The following WNK2 variants were observed in gnomAD, a reference collection of about 807,000 sequenced individuals.
WNK2 encodes serine/threonine-protein kinase WNK2.
A neutral mutation model predicts 192.1 loss-of-function variants in WNK2; 67 were observed. That is an observed-to-expected ratio of 0.35 (90% confidence interval 0.29 to 0.43). The LOEUF (loss-of-function observed/expected upper bound fraction) is 0.43, where lower values mean the gene tolerates loss of function less well. Ranked by LOEUF, WNK2 falls within the 20% of genes least tolerant of loss-of-function variation. WNK2 has a pLI of 1.00. For synonymous variants in WNK2, 1,439 were observed against 1,393.9 expected, an observed-to-expected ratio of 1.03 and a Z score of -0.72; for missense variants, 2,698 against 3,089.7, an observed-to-expected ratio of 0.87 and a Z score of 3.01.
chr9:93,230,898 C>A lies in WNK2; in HGVS notation c.865C>A (p.Arg289=). The A allele has an allele frequency of 1.7e-5, 27 of 1,612,816 alleles. No individual in the cohort carries two copies. Among genetic ancestry groups the A allele is most frequent in the Non-Finnish European group, 2.3e-5 (27 of 1,179,768 alleles). Residue 289 remains arginine, a synonymous_variant, in exon 4 of 30, where the codon CGG becomes AGG. Transcript: ENST00000427277. ...CGTGAACCCCTGCAGATACCTGAAG[C>A]GGTTCAAGGTGATGAAGCCCAAGGT... ...TSGTLKTYLK[R]FKVMKPKVLR... is the part of the protein sequence containing the mutation.
At chr9:93,317,131 C>T in intron 28 of WNK2, 1 of 310,118 alleles carries the variant, frequency 3.2e-6, no homozygotes, top group South Asian at 3.6e-5. Flanking sequence ...CCTGCCAGCT[C>T]CTGGGTGGTT....
At chr9:93,258,297 C>T (rs1160614668) in intron 11 of WNK2, among the ~76,000 whole-genome samples, 1 of 152,222 alleles carries the variant, frequency 6.6e-6, no homozygotes, top group South Asian at 2.1e-4. Context: ...AGAGAAGATA[C>T]AGGCAAGGTT....
chr9:93,256,677 C>T (rs998738322), intron 10 of WNK2: 7 of 664,870 alleles, frequency 1.1e-5, no homozygotes, highest in Non-Finnish European at 1.7e-5. Context: ...ATAGTGTTCG[C>T]AGTGCCCTGC....
intron 16 of WNK2, 99 bp from the exon 17 acceptor site, chr9:93,267,647 T>G: frequency 1.5e-6 from 2 of 1,362,212 alleles, no homozygotes; most frequent in Non-Finnish European, 2.0e-6. Flanking sequence ...ATTCTTCCCT[T>G]GGGGCCTGGT....
chr9:93,238,212 A>G (rs369259267), intron 5 of WNK2, 21 bp from the exon 6 acceptor site: 9 of 1,612,990 alleles, frequency 5.6e-6, no homozygotes, highest in African/African-American at 5.3e-5. Context: ...GGGTCAGGTA[A>G]CTCTGCTCTC....
intron 2 of WNK2, among the ~76,000 whole-genome samples, chr9:93,207,073 C>T (rs983758042): frequency 4.6e-5 from 7 of 152,080 alleles, no homozygotes; most frequent in East Asian, 1.9e-4. Context: ...AGAGGCTGCC[C>T]CCAGAGGGTA....
chr9:93,213,790 A>AAAAAC (rs140166384), intron 2 of WNK2, among the ~76,000 whole-genome samples: 7 of 152,256 alleles, frequency 4.6e-5, no homozygotes, highest in African/African-American at 1.2e-4. Flanking sequence ...ACTCCATCTC[A>AAAAAC]AAAACAAAAC....
chr9:93,256,623 ATGTGTTTGTGTGTGTACGTGTGTGTG>A, intron 10 of WNK2, 169 bp downstream of exon 10: 1 of 824,676 alleles, frequency 1.2e-6, no homozygotes, highest in Non-Finnish European at 1.8e-6. Context: ...TCGTATGTGC[ATGTGTTTGTGTGTGTACGTGTGTGTG>A]TGTGTTTGTG....
At chr9:93,279,454 C>T (rs1454415226) in intron 19 of WNK2, among the ~76,000 whole-genome samples, 1 of 152,176 alleles carries the variant, frequency 6.6e-6, no homozygotes, top group Non-Finnish European at 1.5e-5. Context: ...AACAAGCGCC[C>T]TGTTCATGGG....
chr9:93,299,004 T>G, intron 24 of WNK2, 66 bp from the exon 25 acceptor site: 2 of 1,504,746 alleles, frequency 1.3e-6, no homozygotes, highest in Non-Finnish European at 1.8e-6. Flanking sequence ...CAGAACAGAC[T>G]CAATCCACAC....
At chr9:93,302,272 G>C (rs1851738581) in intron 26 of WNK2, among the ~76,000 whole-genome samples, 1 of 152,202 alleles carries the variant, frequency 6.6e-6, no homozygotes, top group Non-Finnish European at 1.5e-5. Context: ...ATTGCGCCAG[G>C]CTTGGAGGCC....
At chr9:93,240,435 A>G (rs1840561758) in intron 7 of WNK2, among the ~76,000 whole-genome samples, 1 of 152,100 alleles carries the variant, frequency 6.6e-6, no homozygotes, top group Non-Finnish European at 1.5e-5. Context: ...CCACCTAGAA[A>G]GGCGGGTTGG....
At chr9:93,299,807 C>T (rs937272438) in intron 25 of WNK2, among the ~76,000 whole-genome samples, 1 of 152,090 alleles carries the variant, frequency 6.6e-6, no homozygotes, top group Non-Finnish European at 1.5e-5. Flanking sequence ...ATCATGGTGA[C>T]CATGAAGCCG....
chr9:93,259,324 C>T lies in WNK2; in HGVS notation c.2776C>T (p.Pro926Ser), dbSNP rs771529851. ...ACAGATGGCGCCTACTGACGTCCCT[C>T]CTTCCCCCCATCACACGGTGCAGAA... ...FPQMAPTDVP[P>S]SPHHTVQNMR... Residue 926 changes from proline (P) to serine (S), a missense_variant, in exon 12 of 30, where the codon CCT (proline) becomes TCT (serine). Transcript: ENST00000427277. The surrounding 1 kb of genome is among the most constrained non-coding windows in gnomAD (Gnocchi z 4.8). 1 of 1,613,412 alleles carries T rather than the reference C, an allele frequency of 6.2e-7. No individual in the cohort carries two copies. The highest frequency in any genetic ancestry group is 1.3e-5 in the African/African-American group (1 of 74,824).
rs545996090 is a variant in WNK2, at chr9:93,189,820, G to A, written c.681+4210G>A. Among the ~76,000 whole-genome samples, 4 of 152,358 alleles carry A rather than the reference G, an allele frequency of 2.6e-5. No individual in the cohort carries two copies. The South Asian group carries it at 8.3e-4, about 32-fold the overall frequency. ...GGGTTTGGGGGACTGGAGAGCCTGCGTGCTTTGCCCCGATGGCCTCTCGTT... is the reference window on the plus strand; with the variant it reads ...GGGTTTGGGGGACTGGAGAGCCTGCATGCTTTGCCCCGATGGCCTCTCGTT... On this transcript the variant is annotated intron_variant, in intron 2 of 29. Coordinates refer to ENST00000427277, the MANE Select transcript of WNK2 (RefSeq NM_006648.4).
At chr9:93,252,032 A>T (rs972035272) in intron 8 of WNK2, among the ~76,000 whole-genome samples, 3 of 152,224 alleles carry the variant, frequency 2.0e-5, no homozygotes, top group African/African-American at 7.2e-5. Flanking sequence ...GCCCCTCGCG[A>T]AAATAGTGTG....
intron 7 of WNK2, 118 bp downstream of exon 7, chr9:93,240,094 G>T: frequency 9.5e-7 from 1 of 1,049,668 alleles, no homozygotes; most frequent in Non-Finnish European, 1.4e-6. Flanking sequence ...AAGGCCAGTG[G>T]GTGTGGCGGT....
At chr9:93,279,468 G>A (rs1308237210) in intron 19 of WNK2, among the ~76,000 whole-genome samples, 1 of 152,214 alleles carries the variant, frequency 6.6e-6, no homozygotes, top group African/African-American at 2.4e-5. Context: ...TCATGGGTCA[G>A]AAGACACAGT....
chr9:93,276,293 A>G (rs1846865198), intron 19 of WNK2, among the ~76,000 whole-genome samples: 1 of 152,238 alleles, frequency 6.6e-6, no homozygotes. Context: ...AGACCCACAC[A>G]AATATGACCA....
Sources: allele counts gnomAD v4.1 joint callset (sites outside exome capture counted in the v4.1 genomes callset), GRCh38; gene constraint gnomAD v4.1.1; non-coding constraint Gnocchi (gnomAD v3.1); transcripts MANE v1.5; gene names NCBI Gene and HGNC (gene_info 2026-07-23, HGNC 2026-07-21).